PIK3R5: variants seen among roughly 807,000 people sequenced by gnomAD.
PIK3R5 encodes phosphoinositide 3-kinase regulatory subunit 5.
PIK3R5 carries 32 observed loss-of-function variants against 94.9 expected under a neutral mutation model. The ratio of observed to expected loss-of-function variants is 0.34; its 90% CI spans 0.25 to 0.45. The LOEUF is 0.45. PIK3R5 is among the 20% of genes least tolerant of loss of function. The probability of loss-of-function intolerance (pLI) is 1.00; values close to 1 mark genes in which losing one functional copy is unlikely to be tolerated. For missense variants in PIK3R5, 853 were observed against 1,144.6 expected (o/e 0.75, Z 3.68); for synonymous variants, 443 against 479.4 (o/e 0.92, Z 0.99).
rs1232656476 is a variant in PIK3R5 at position 8,890,391 on chromosome 17, G to A, written c.658-265C>T. On this transcript the variant is annotated intron_variant, in intron 7 of 18. Transcript: ENST00000447110. The surrounding 1 kb of genome is among the most constrained non-coding windows in gnomAD (Gnocchi z 6.1). Reference sequence around the variant, plus strand: ...CCTCACTGTACCCCATAGAGGGGAAGGAGCTGTGTGGGGTGACACAGCCGA... The same window carrying A: ...CCTCACTGTACCCCATAGAGGGGAAAGAGCTGTGTGGGGTGACACAGCCGA... Among the ~76,000 whole-genome samples, 1 of 152,218 alleles carries A rather than the reference G, an allele frequency of 6.6e-6. No homozygotes were observed. Among genetic ancestry groups the A allele is most frequent in the Non-Finnish European group, 1.5e-5 (1 of 68,028 alleles).
chr17:8,885,861 T>C (rs541901429), intron 14 of PIK3R5, among the ~76,000 whole-genome samples: 58 of 19,228 alleles, frequency 3.0e-3, no homozygotes, highest in African/African-American at 3.5e-3. Flanking sequence ...CCTGGGTAAC[T>C]CCGCCTCCCC....
chr17:8,962,841 T>C (rs2091591009), intron 1 of PIK3R5, among the ~76,000 whole-genome samples: 1 of 152,246 alleles, frequency 6.6e-6, no homozygotes, highest in Non-Finnish European at 1.5e-5. Context: ...ATCTTCCCTT[T>C]GGGCAGAAGT....
At chr17:8,899,140 G>A (rs1287038391) in intron 5 of PIK3R5, among the ~76,000 whole-genome samples, 1 of 152,240 alleles carries the variant, frequency 6.6e-6, no homozygotes, top group Non-Finnish European at 1.5e-5. Context: ...GTGGTGGGCA[G>A]GACCCAGTGG....
chr17:8,901,029 T>G (rs1050645880), intron 5 of PIK3R5, among the ~76,000 whole-genome samples: 1 of 152,204 alleles, frequency 6.6e-6, no homozygotes, highest in Non-Finnish European at 1.5e-5. Flanking sequence ...CTGAGCGTAC[T>G]CGAAAGGAAG....
At position 8,893,476 on chromosome 17, in the gene PIK3R5, C is replaced by CA; in HGVS notation, c.482+109dup. 1 of 840,940 alleles carries CA rather than the reference C, an allele frequency of 1.2e-6. No homozygotes were observed. The highest frequency in any genetic ancestry group is 2.0e-6 in the Non-Finnish European group (1 of 500,024). 52.1% of individuals were successfully genotyped at this position (840,940 alleles called of 1,614,324 possible). ...CCTGTTTGTTGCTGGCTGGGGTGGA[C>CA]AGGGGGTGGGGGCACTGGATGTTTG... is the stretch of plus-strand genomic sequence containing the variant. On this transcript the variant is annotated intron_variant, in intron 6 of 18. Transcript: ENST00000447110. This position sits in a 1 kb window ranked among gnomAD's most constrained non-coding sequence, Gnocchi z 5.1.
chr17:8,884,655 G>T lies in PIK3R5; in HGVS notation c.2205+52C>A. 1 of 1,410,358 alleles carries T rather than the reference G, an allele frequency of 7.1e-7. No homozygotes were observed. The highest frequency in any genetic ancestry group is 1.0e-6 in the Non-Finnish European group (1 of 997,182). The allele number at this position is 1,410,358 out of a possible 1,614,324, so 87.4% of individuals were successfully genotyped here. Reference sequence around the variant, plus strand: ...GCTCTGGGTCCAAGCTCTGGCGGAGGAAGTATCAGCAGCAGATCCTGGAGG... The same window carrying T: ...GCTCTGGGTCCAAGCTCTGGCGGAGTAAGTATCAGCAGCAGATCCTGGAGG... On this transcript the variant is annotated intron_variant, in intron 15 of 18. Coordinates refer to ENST00000447110, the MANE Select transcript of PIK3R5 (RefSeq NM_001142633.3). The surrounding 1 kb of genome is among the most constrained non-coding windows in gnomAD (Gnocchi z 5.8).
chr17:8,914,140 A>T (rs888725166), intron 1 of PIK3R5, among the ~76,000 whole-genome samples: 9 of 152,194 alleles, frequency 5.9e-5, no homozygotes, highest in African/African-American at 2.2e-4. Flanking sequence ...CAGATGTGAC[A>T]GCGACCCTTT....
At position 8,882,720 on chromosome 17, in the gene PIK3R5, C is replaced by A. The variant is rs2089708965; in HGVS notation, c.2206-839G>T. On this transcript the variant is annotated intron_variant, in intron 15 of 18. Transcript: ENST00000447110. This position sits in a 1 kb window ranked among gnomAD's most constrained non-coding sequence, Gnocchi z 4.1. ...CCCCGGCCTCTTCCTGTGGTCCCCC[C>A]AGAGAAGATGGTGCTGCCAGTCACA... Among the ~76,000 whole-genome samples the A allele has an allele frequency of 1.3e-5, 2 of 152,198 alleles. No homozygotes were observed. Among genetic ancestry groups the A allele is most frequent in the African/African-American group, 4.8e-5 (2 of 41,444 alleles).
intron 1 of PIK3R5, among the ~76,000 whole-genome samples, chr17:8,913,671 C>G (rs992699838): frequency 1.3e-5 from 2 of 152,184 alleles, no homozygotes; most frequent in Non-Finnish European, 2.9e-5. Flanking sequence ...GAGATCACAC[C>G]GCTGCACCCC....
intron 1 of PIK3R5, among the ~76,000 whole-genome samples, chr17:8,918,937 C>A (rs1245170847): frequency 6.6e-6 from 1 of 152,142 alleles, no homozygotes; most frequent in African/African-American, 2.4e-5. Flanking sequence ...CACATAACTA[C>A]AATCATGAGA....
At chr17:8,954,684 C>T (rs1052513805) in intron 1 of PIK3R5, among the ~76,000 whole-genome samples, 7 of 152,074 alleles carry the variant, frequency 4.6e-5, no homozygotes, top group Admixed American at 1.3e-4. Context: ...GCCTTTAATC[C>T]CAGCACTTCG....
At chr17:8,902,183 C>G (rs1439732671) in intron 5 of PIK3R5, among the ~76,000 whole-genome samples, 1 of 149,838 alleles carries the variant, frequency 6.7e-6, no homozygotes, top group Non-Finnish European at 1.5e-5. Flanking sequence ...TTCATATTTC[C>G]ATAAGTGTAT....
At chr17:8,954,389 C>A (rs2091431630) in intron 1 of PIK3R5, among the ~76,000 whole-genome samples, 1 of 152,244 alleles carries the variant, frequency 6.6e-6, no homozygotes, top group African/African-American at 2.4e-5. Context: ...AATCCCTCAA[C>A]AGTTTCTTCG....
At chr17:8,923,794 C>T (rs1410525236) in intron 1 of PIK3R5, among the ~76,000 whole-genome samples, 1 of 151,994 alleles carries the variant, frequency 6.6e-6, no homozygotes, top group African/African-American at 2.4e-5. Flanking sequence ...CAAGAAAGGC[C>T]AATTACACAT....
intron 5 of PIK3R5, among the ~76,000 whole-genome samples, chr17:8,895,429 A>G (rs1398881057): frequency 6.6e-6 from 1 of 152,112 alleles, no homozygotes; most frequent in East Asian, 1.9e-4. Flanking sequence ...CTCTCCCTCC[A>G]CATCAGCTTT....
chr17:8,884,609 GC>G lies in PIK3R5; in HGVS notation c.2205+97del, dbSNP rs2089765208. The G allele has an allele frequency of 1.1e-5, 10 of 919,668 alleles. No homozygotes were observed. The East Asian group carries it at 2.3e-4, about 21-fold the overall frequency. 57.0% of individuals were successfully genotyped at this position (919,668 alleles called of 1,614,324 possible). A position where few individuals can be genotyped will look rare whatever the true frequency, so the allele number is the denominator to read the frequency against. On this transcript the variant is annotated intron_variant, in intron 15 of 18. Coordinates refer to ENST00000447110, the MANE Select transcript of PIK3R5 (RefSeq NM_001142633.3). The surrounding 1 kb of genome is among the most constrained non-coding windows in gnomAD (Gnocchi z 5.8). ...GCAGCCTTCCAGCGTAAAGACTGGG[GC>G]CCAGGAACACACGAGTCCAGCTCTG...
At chr17:8,905,793 G>A (rs906668180) in intron 3 of PIK3R5, 56 bp from the exon 4 acceptor site, 15 of 1,196,392 alleles carry the variant, frequency 1.3e-5, no homozygotes, top group African/African-American at 3.1e-5. Flanking sequence ...AGGGCTCCCT[G>A]AGGCAGAATA....
rs1346393423 is a variant in PIK3R5 at position 8,945,401 on chromosome 17, G to A, written c.-14+20195C>T. ...TTCAGGGAATGAGAAACTGGTCCCA[G>A]GGCTGTATTCCCTCCACCTGGCAGC... On this transcript the variant is annotated intron_variant, in intron 1 of 18. Coordinates refer to ENST00000447110, the MANE Select transcript of PIK3R5 (RefSeq NM_001142633.3). This position sits in a 1 kb window ranked among gnomAD's most constrained non-coding sequence, Gnocchi z 4.0. Among the ~76,000 whole-genome samples, 2 of 152,114 alleles carry A rather than the reference G, an allele frequency of 1.3e-5. No homozygotes were observed. Among genetic ancestry groups the A allele is most frequent in the Non-Finnish European group, 2.9e-5 (2 of 68,014 alleles).
At position 8,895,823 on chromosome 17, in the gene PIK3R5, C is replaced by T. The variant is rs531705190; in HGVS notation, c.413-2168G>A. 3.3e-5 allele frequency among the ~76,000 whole-genome samples: 5 copies of T among 152,152 alleles called. No homozygotes were observed. In the South Asian group the frequency reaches 1.0e-3, roughly 32 times the overall value. On this transcript the variant is annotated intron_variant, in intron 5 of 18. Coordinates refer to ENST00000447110, the MANE Select transcript of PIK3R5 (RefSeq NM_001142633.3). ...CCTGTGCCTCTTGGCACACTCTGAC[C>T]CAGAGAGAGTGATTTTCAGAGTTGT...
Sources: gnomAD v4.1 joint callset for allele counts (sites outside exome capture counted in the v4.1 genomes callset) on GRCh38, gnomAD v4.1.1 for gene constraint, Gnocchi (gnomAD v3.1) non-coding constraint, MANE v1.5 for transcripts, NCBI Gene and HGNC (gene_info 2026-07-23, HGNC 2026-07-21) for gene names.